The following ATRNL1 variants were observed in gnomAD, a reference collection of about 807,000 sequenced individuals.
ATRNL1 encodes the protein attractin like 1.
ATRNL1 carries 95 observed loss-of-function variants against 182.7 expected under a neutral mutation model. That is an observed-to-expected ratio of 0.52 (90% CI 0.44 to 0.62). The LOEUF is 0.62. Ranked by LOEUF, ATRNL1 falls within the 20% of genes least tolerant of loss-of-function variation. The probability of loss-of-function intolerance (pLI) is 0.00; values close to 1 mark genes in which losing one functional copy is unlikely to be tolerated. For synonymous variants in ATRNL1, 576 were observed against 568.3 expected (o/e 1.01, Z -0.19); for missense variants, 1,471 against 1,679.5 (o/e 0.88, Z 2.17).
chr10:115,094,607 G>A (rs1387210807), intron 1 of ATRNL1, among the ~76,000 whole-genome samples: 1 of 152,046 alleles, frequency 6.6e-6, no homozygotes, highest in Non-Finnish European at 1.5e-5. Context: ...TCTTCTAAGC[G>A]CTTTATGTCA....
chr10:115,401,714 C>CGGG (rs1565002492), intron 20 of ATRNL1, among the ~76,000 whole-genome samples: 1 of 151,852 alleles, frequency 6.6e-6, no homozygotes, highest in African/African-American at 2.4e-5. Context: ...TCTTAGGAAA[C>CGGG]GGGACATATT....
intron 27 of ATRNL1, among the ~76,000 whole-genome samples, chr10:115,746,976 T>C (rs1263108668): frequency 2.0e-5 from 3 of 152,102 alleles, no homozygotes; most frequent in African/African-American, 7.2e-5. Flanking sequence ...AAATTAACTT[T>C]AATGTTGCAC....
chr10:115,322,980 A>G (rs1344551412), intron 18 of ATRNL1, among the ~76,000 whole-genome samples: 1 of 151,896 alleles, frequency 6.6e-6, no homozygotes, highest in African/African-American at 2.4e-5. Context: ...TGTTTGTCCT[A>G]TTTAGAGTTT....
intron 25 of ATRNL1, among the ~76,000 whole-genome samples, chr10:115,546,427 G>C (rs917940040): frequency 1.3e-5 from 2 of 151,812 alleles, no homozygotes; most frequent in Non-Finnish European, 2.9e-5. Context: ...TTAAGTGGGC[G>C]TGGTGGCGCA....
Position 115,574,213 on chromosome 10 carries a change from AATATAACTACAGCAATAT to A in ATRNL1, c.3795+24690_3795+24707del, listed in dbSNP as rs1309790083. On this transcript the variant is annotated intron_variant, in intron 26 of 28. Coordinates refer to ENST00000355044, the MANE Select transcript of ATRNL1 (RefSeq NM_207303.4). ...ATATATATGTGTATCTATATATACA[AATATAACTACAGCAATAT>A]ATATAACTACAGTTATATATACATA... 5.3e-5 allele frequency among the ~76,000 whole-genome samples: 8 copies of A among 151,158 alleles called. No individual in the cohort carries two copies. The East Asian group carries it at 5.8e-4, about 11-fold the overall frequency.
At chr10:115,432,218 A>G (rs1199524697) in intron 21 of ATRNL1, among the ~76,000 whole-genome samples, 1 of 152,126 alleles carries the variant, frequency 6.6e-6, no homozygotes. Flanking sequence ...TTTTTGTACT[A>G]GTGTTTGAAA....
At chr10:115,765,657 C>A (rs1555074840) in intron 27 of ATRNL1, among the ~76,000 whole-genome samples, 1 of 152,134 alleles carries the variant, frequency 6.6e-6, no homozygotes, top group East Asian at 1.9e-4. Flanking sequence ...TCTAGTTTAT[C>A]AATAATTTCT....
rs1953875046 is a variant in ATRNL1 at position 115,946,321 on chromosome 10, A to G, written c.*1542A>G. On this transcript the variant is annotated 3_prime_UTR_variant, in exon 29 of 29. Coordinates refer to ENST00000355044, the MANE Select transcript of ATRNL1 (RefSeq NM_207303.4). ...AGTAGCAGACTATGACCCTATTGTG[A>G]TATTAAGTGTTTATTTCATAATGCC... 1 of 152,164 alleles carries G rather than the reference A, an allele frequency of 6.6e-6. No individual in the cohort carries two copies. The highest frequency in any genetic ancestry group is 1.5e-5 in the Non-Finnish European group (1 of 68,028). 9.4% of individuals were successfully genotyped at this position (152,164 alleles called of 1,614,324 possible).
chr10:115,389,546 A>ATATATATATGTATG (rs1564989821), intron 19 of ATRNL1, among the ~76,000 whole-genome samples: 1 of 16,398 alleles, frequency 6.1e-5, no homozygotes, highest in African/African-American at 1.9e-4. Context: ...ATGTGTATAT[A>ATATATATATGTATG]TATATATATA....
intron 27 of ATRNL1, among the ~76,000 whole-genome samples, chr10:115,828,674 A>G (rs1216312254): frequency 1.3e-5 from 2 of 152,148 alleles, no homozygotes; most frequent in Non-Finnish European, 2.9e-5. Context: ...TAATCATTAT[A>G]TTTACCTCCC....
chr10:115,762,966 TA>T (rs1555074015), intron 27 of ATRNL1, among the ~76,000 whole-genome samples: 2 of 152,186 alleles, frequency 1.3e-5, no homozygotes, highest in Admixed American at 1.3e-4. Context: ...AAAGGTATAT[TA>T]AAATGTGATC....
intron 21 of ATRNL1, among the ~76,000 whole-genome samples, chr10:115,430,827 G>A (rs782484548): frequency 6.6e-6 from 1 of 152,062 alleles, no homozygotes; most frequent in Non-Finnish European, 1.5e-5. Flanking sequence ...GGTGCCGTGG[G>A]CATCTCATGG....
chr10:115,918,850 G>A (rs1170038498), intron 28 of ATRNL1, among the ~76,000 whole-genome samples: 1 of 152,152 alleles, frequency 6.6e-6, no homozygotes, highest in Admixed American at 6.5e-5. Context: ...GATAGGCAGA[G>A]GTAATAACTG....
chr10:115,354,928 C>T (rs1282677216), intron 19 of ATRNL1, among the ~76,000 whole-genome samples: 4 of 151,636 alleles, frequency 2.6e-5, no homozygotes, highest in Admixed American at 6.6e-5. Flanking sequence ...TAAATATTTC[C>T]GTTTTTGCTT....
At chr10:115,289,497 C>T (rs114881408) in intron 15 of ATRNL1, among the ~76,000 whole-genome samples, 1,788 of 152,192 alleles carry the variant, frequency 0.012, 34 homozygotes, top group African/African-American at 0.04. Context: ...TTTCTTCTAG[C>T]AGTTTTATTG....
At chr10:115,663,340 C>G (rs181228194) in intron 26 of ATRNL1, among the ~76,000 whole-genome samples, 1 of 151,942 alleles carries the variant, frequency 6.6e-6, no homozygotes, top group African/African-American at 2.4e-5. Context: ...TAATTTCAGC[C>G]ATTTGCAACA....
chr10:115,332,798 G>T (rs545484490), intron 18 of ATRNL1, among the ~76,000 whole-genome samples: 1 of 151,564 alleles, frequency 6.6e-6, no homozygotes, highest in Non-Finnish European at 1.5e-5. Flanking sequence ...AATATAAGAG[G>T]CAGTTTTACA....
intron 28 of ATRNL1, among the ~76,000 whole-genome samples, chr10:115,850,062 T>A (rs1951019346): frequency 6.6e-6 from 1 of 152,294 alleles, no homozygotes; most frequent in South Asian, 2.1e-4. Flanking sequence ...TCTAGTAGAT[T>A]TTTCAAGCTC....
intron 27 of ATRNL1, among the ~76,000 whole-genome samples, chr10:115,798,618 C>G (rs997614911): frequency 6.6e-6 from 1 of 152,294 alleles, no homozygotes; most frequent in East Asian, 1.9e-4. Context: ...ATCTACACCT[C>G]CATGCCTTTG....
Sources: allele counts gnomAD v4.1 joint callset (sites outside exome capture counted in the v4.1 genomes callset), GRCh38; gene constraint gnomAD v4.1.1; transcripts MANE v1.5; gene names NCBI Gene and HGNC (gene_info 2026-07-23, HGNC 2026-07-21).